Variants in NRXN3 observed in about 807,000 individuals in gnomAD.
The protein encoded by NRXN3 is neurexin 3, also known as neurexin III.
In NRXN3, 32 loss-of-function variants were observed where a neutral mutation model predicts 137.6. That is an observed-to-expected ratio of 0.23 (90% CI 0.18 to 0.31). The LOEUF (loss-of-function observed/expected upper bound fraction) is 0.31, where lower values mean the gene tolerates loss of function less well. Ranked by LOEUF, NRXN3 falls within the 10% of genes least tolerant of loss-of-function variation. NRXN3 has a pLI of 1.00. For missense variants in NRXN3, 1,574 were observed against 2,062.5 expected (o/e 0.76, Z 4.59); for synonymous variants, 798 against 784.5 (o/e 1.02, Z -0.29).
intron 6 of NRXN3, among the ~76,000 whole-genome samples, chr14:78,667,731 G>A (rs1241462318): frequency 6.6e-6 from 1 of 152,110 alleles, no homozygotes; most frequent in East Asian, 1.9e-4. Context: ...AAATATGAAT[G>A]CAGTGATTTC....
rs543218767 is a variant in NRXN3, at chr14:79,554,867, A to AT, written c.3444+87470dup. On this transcript the variant is annotated intron_variant, in intron 16 of 20. Coordinates refer to ENST00000335750, the MANE Select transcript of NRXN3 (RefSeq NM_001330195.2). ...AGTAAGAGGTACTTTTAAACTGTTA[A>AT]TTTTTATGAGCAACACAGTGGTATG... 4.2e-3 allele frequency among the ~76,000 whole-genome samples: 633 copies of AT among 152,272 alleles called. 3 individuals carry two copies. The highest frequency in any genetic ancestry group is 5.7e-3 in the Non-Finnish European group (390 of 68,008).
intron 19 of NRXN3, among the ~76,000 whole-genome samples, chr14:79,710,705 TG>T (rs1192880857): frequency 2.6e-5 from 4 of 152,014 alleles, no homozygotes; most frequent in African/African-American, 9.7e-5. Context: ...AAAAAATATT[TG>T]AGTTATTTGA....
At chr14:78,427,372 G>A (rs1346717057) in intron 4 of NRXN3, among the ~76,000 whole-genome samples, 1 of 152,172 alleles carries the variant, frequency 6.6e-6, no homozygotes, top group Non-Finnish European at 1.5e-5. Flanking sequence ...GGAGGTGCCT[G>A]GTTCCATGGC....
intron 15 of NRXN3, among the ~76,000 whole-genome samples, chr14:79,088,875 A>T (rs2048636043): frequency 6.6e-6 from 1 of 152,132 alleles, no homozygotes; most frequent in Non-Finnish European, 1.5e-5. Context: ...CTTTTTTCTA[A>T]CCTATATAAT....
intron 14 of NRXN3, among the ~76,000 whole-genome samples, chr14:78,970,759 C>T (rs945097641): frequency 3.9e-5 from 6 of 152,194 alleles, no homozygotes; most frequent in Non-Finnish European, 5.9e-5. Flanking sequence ...TGGCATTACT[C>T]ATCACATGCA....
At chr14:78,531,052 T>C (rs1477194948) in intron 4 of NRXN3, among the ~76,000 whole-genome samples, 1 of 152,204 alleles carries the variant, frequency 6.6e-6, no homozygotes, top group Non-Finnish European at 1.5e-5. Flanking sequence ...TGCCTTTCCT[T>C]CATTTTCTTG....
chr14:78,462,183 C>T (rs547653468), intron 4 of NRXN3, among the ~76,000 whole-genome samples: 1 of 152,320 alleles, frequency 6.6e-6, no homozygotes, highest in East Asian at 1.9e-4. Context: ...TGAGCTTACC[C>T]TGGGTTCCCA....
At chr14:79,547,365 A>G (rs532759393) in intron 16 of NRXN3, among the ~76,000 whole-genome samples, 72 of 152,310 alleles carry the variant, frequency 4.7e-4, no homozygotes, top group Non-Finnish European at 7.8e-4. Flanking sequence ...CTAGAAATTT[A>G]CCTTCAAATA....
At chr14:79,538,514 A>G (rs908929808) in intron 16 of NRXN3, among the ~76,000 whole-genome samples, 2 of 152,146 alleles carry the variant, frequency 1.3e-5, no homozygotes, top group African/African-American at 4.8e-5. Flanking sequence ...TCAGCTTTCT[A>G]CATATGGCTA....
intron 15 of NRXN3, among the ~76,000 whole-genome samples, chr14:79,405,715 C>G (rs1270895070): frequency 1.3e-5 from 2 of 152,134 alleles, no homozygotes; most frequent in Non-Finnish European, 2.9e-5. Flanking sequence ...TCTTTTATGT[C>G]TTAGTCAACA....
At chr14:79,044,614 A>T (rs1235587124) in intron 15 of NRXN3, among the ~76,000 whole-genome samples, 1 of 152,114 alleles carries the variant, frequency 6.6e-6, no homozygotes, top group South Asian at 2.1e-4. Flanking sequence ...AACATAGTTG[A>T]CTTGTTATAA....
chr14:78,701,743 A>G (rs1320511196), intron 6 of NRXN3, among the ~76,000 whole-genome samples: 1 of 152,164 alleles, frequency 6.6e-6, no homozygotes, highest in Non-Finnish European at 1.5e-5. Context: ...ACATTGTACT[A>G]TTGATTTCAA....
At chr14:79,790,338 ATTAT>A (rs754807844) in intron 19 of NRXN3, among the ~76,000 whole-genome samples, 203 of 149,980 alleles carry the variant, frequency 1.4e-3, no homozygotes, top group Non-Finnish European at 1.7e-3. Context: ...CCTTTTTTTT[ATTAT>A]TTAATTTTTT....
At chr14:78,904,386 G>A (rs1006201337) in intron 10 of NRXN3, among the ~76,000 whole-genome samples, 2 of 152,026 alleles carry the variant, frequency 1.3e-5, no homozygotes, top group African/African-American at 4.8e-5. Context: ...ATAATGCCGA[G>A]GTTGAAAAGA....
intron 15 of NRXN3, among the ~76,000 whole-genome samples, chr14:79,237,284 T>C (rs2073546566): frequency 6.6e-6 from 1 of 152,146 alleles, no homozygotes; most frequent in African/African-American, 2.4e-5. Flanking sequence ...TTTAAAGTAT[T>C]GTAAGGACCT....
chr14:78,934,272 T>C (rs1266127976), intron 10 of NRXN3, among the ~76,000 whole-genome samples: 5 of 152,134 alleles, frequency 3.3e-5, no homozygotes, highest in Non-Finnish European at 7.3e-5. Context: ...TAAGTCTTAT[T>C]CTTTAAAGGC....
chr14:78,363,345 G>A (rs2085413992), intron 4 of NRXN3, among the ~76,000 whole-genome samples: 1 of 152,158 alleles, frequency 6.6e-6, no homozygotes, highest in Admixed American at 6.5e-5. Context: ...TCCTTTTAAA[G>A]ATGGGCTAAG....
chr14:78,443,227 G>A (rs1265082328), intron 4 of NRXN3, among the ~76,000 whole-genome samples: 1 of 152,212 alleles, frequency 6.6e-6, no homozygotes, highest in African/African-American at 2.4e-5. Context: ...AGCAGGGTTT[G>A]GTAGTAGTGG....
intron 11 of NRXN3, among the ~76,000 whole-genome samples, chr14:78,959,484 G>T (rs2099403861): frequency 6.6e-6 from 1 of 152,080 alleles, no homozygotes; most frequent in African/African-American, 2.4e-5. Context: ...GTGAGGTAGG[G>T]AATGCATTAG....
Sources: gnomAD v4.1 joint callset for allele counts (sites outside exome capture counted in the v4.1 genomes callset) on GRCh38, gnomAD v4.1.1 for gene constraint, MANE v1.5 for transcripts, NCBI Gene and HGNC (gene_info 2026-07-23, HGNC 2026-07-21) for gene names.